Variants in GTF2A1 observed in about 807,000 individuals in gnomAD.
The protein encoded by GTF2A1 is transcription initiation factor IIA subunit 1.
A neutral mutation model predicts 54.1 loss-of-function variants in GTF2A1; 12 were observed. The observed-to-expected ratio is 0.22, with a 90% confidence interval of 0.14 to 0.36. GTF2A1 has a LOEUF of 0.36. GTF2A1 is among the 10% of genes least tolerant of loss of function. The probability of loss-of-function intolerance (pLI) is 1.00; values close to 1 mark genes in which losing one functional copy is unlikely to be tolerated. For synonymous variants in GTF2A1, 145 were observed against 152.0 expected, an observed-to-expected ratio of 0.95 and a Z score of 0.34; for missense variants, 335 against 442.2, an observed-to-expected ratio of 0.76 and a Z score of 2.17.
chr14:81,197,397 A>G lies in GTF2A1; in HGVS notation c.478+12T>C, dbSNP rs772924326. 7.1e-7 allele frequency: 1 copy of G among 1,400,028 alleles called. No homozygotes were observed. Among genetic ancestry groups the G allele is most frequent in the Admixed American group, 1.8e-5 (1 of 55,490 alleles). The allele number at this position is 1,400,028 out of a possible 1,614,324, so 86.7% of individuals were successfully genotyped here. ...AATTACATTTTAAAATGGTTCCATC[A>G]TTCCTAATTACCTGAATTTGTTAAT... On this transcript the variant is annotated intron_variant, in intron 5 of 8. Transcript: ENST00000553612.
At position 81,175,495 on chromosome 14, in the gene GTF2A1, T is replaced by A. The variant is rs1348083120; in HGVS notation, c.*4728A>T. 3.9e-5 allele frequency: 6 copies of A among 152,240 alleles called. 1 individual carries two copies. Among genetic ancestry groups the A allele is most frequent in the Admixed American group, 3.9e-4 (6 of 15,282 alleles). 9.4% of individuals were successfully genotyped at this position (152,240 alleles called of 1,614,324 possible). ...GATATCTTTATTATGATTATGTTAA[T>A]AGTTAAAATTTGCATGTTTTCTAGA... On this transcript the variant is annotated 3_prime_UTR_variant, in exon 9 of 9. Transcript: ENST00000553612.
intron 4 of GTF2A1, among the ~76,000 whole-genome samples, chr14:81,199,663 C>G (rs989136699): frequency 6.6e-6 from 1 of 152,080 alleles, no homozygotes; most frequent in East Asian, 1.9e-4. Context: ...GTAAAATATA[C>G]AGAAATGTTA....
In GTF2A1 at chr14:81,178,367, T is replaced by C. The variant is rs1362049998; in HGVS notation, c.*1856A>G. 6.6e-6 allele frequency: 1 copy of C among 152,170 alleles called. No homozygotes were observed. The highest frequency in any genetic ancestry group is 1.5e-5 in the Non-Finnish European group (1 of 68,020). The allele number at this position is 152,170 out of a possible 1,614,324, so 9.4% of individuals were successfully genotyped here. On this transcript the variant is annotated 3_prime_UTR_variant, in exon 9 of 9. Coordinates refer to ENST00000553612, the MANE Select transcript of GTF2A1 (RefSeq NM_015859.4). ...TGTTACTCCCTCCCATTTCCTCTTCTCTCAGTCTTAATAATATATATTTTA... is the reference window on the plus strand; with the variant it reads ...TGTTACTCCCTCCCATTTCCTCTTCCCTCAGTCTTAATAATATATATTTTA...
intron 1 of GTF2A1, among the ~76,000 whole-genome samples, chr14:81,218,090 A>C (rs1893525729): frequency 1.1e-5 from 1 of 87,530 alleles, no homozygotes; most frequent in Admixed American, 1.0e-4. Context: ...ATCTCTATAA[A>C]GTGCTTTTTT....
At chr14:81,203,051 T>G (rs2140162762) in intron 3 of GTF2A1, among the ~76,000 whole-genome samples, 1 of 152,312 alleles carries the variant, frequency 6.6e-6, no homozygotes, top group South Asian at 2.1e-4. Flanking sequence ...TCCTCTCCCA[T>G]AAAAGCAGAT....
chr14:81,220,670 G>A lies in GTF2A1; in HGVS notation c.-152C>T, dbSNP rs1467982898. On this transcript the variant is annotated 5_prime_UTR_variant, in exon 1 of 9. Transcript: ENST00000553612. ...AAACAAAATCAATCCTGAAGGAGTA[G>A]GGGAGAGCGGAGAGAGGAGGAGGAG... is the stretch of plus-strand genomic sequence containing the variant. The A allele has an allele frequency of 4.1e-6, 2 of 484,330 alleles. No individual in the cohort carries two copies. The highest frequency in any genetic ancestry group is 7.1e-6 in the Non-Finnish European group (2 of 280,172). The allele number at this position is 484,330 out of a possible 1,614,324, so 30.0% of individuals were successfully genotyped here. A position where few individuals can be genotyped will look rare whatever the true frequency, so the allele number is the denominator to read the frequency against.
chr14:81,199,563 A>G (rs995161852), intron 4 of GTF2A1, among the ~76,000 whole-genome samples: 3 of 152,200 alleles, frequency 2.0e-5, no homozygotes, highest in African/African-American at 4.8e-5. Context: ...ACCCACAAAA[A>G]CCTAAAACAC....
At chr14:81,197,524 G>A (rs1206933726) in intron 4 of GTF2A1, 40 bp from the exon 5 acceptor site, 1 of 1,012,138 alleles carries the variant, frequency 9.9e-7, no homozygotes, top group Non-Finnish European at 1.5e-6. Context: ...CCACATACAT[G>A]TATAATACTG....
rs36025974 is a variant in GTF2A1, at chr14:81,200,885, CAA to C, written c.402+707_402+708del. 9.0e-3 allele frequency among the ~76,000 whole-genome samples: 1,004 copies of C among 111,092 alleles called. 13 individuals are homozygous for C. The highest frequency in any genetic ancestry group is 0.039 in the African/African-American group (967 of 24,600). 72.9% of individuals were successfully genotyped at this position (111,092 alleles called of 152,430 possible). ...TCTGACTATATTTTAATGTTTTATC[CAA>C]AAAAAAAAAAAAAACAAAAAACAAC... On this transcript the variant is annotated intron_variant, in intron 4 of 8. Transcript: ENST00000553612.
intron 2 of GTF2A1, among the ~76,000 whole-genome samples, chr14:81,205,432 C>A (rs540558559): frequency 6.6e-6 from 1 of 152,334 alleles, no homozygotes; most frequent in East Asian, 1.9e-4. Context: ...AGTATTTAGA[C>A]TTACCTGAAG....
rs1892557478 is a variant in GTF2A1, at chr14:81,177,741, AT to A, written c.*2481del. The A allele has an allele frequency of 1.3e-5, 2 of 152,286 alleles. No individual in the cohort carries two copies. Among genetic ancestry groups the A allele is most frequent in the African/African-American group, 4.8e-5 (2 of 41,596 alleles). The allele number at this position is 152,286 out of a possible 1,614,324, so 9.4% of individuals were successfully genotyped here. On this transcript the variant is annotated 3_prime_UTR_variant, in exon 9 of 9. Coordinates refer to ENST00000553612, the MANE Select transcript of GTF2A1 (RefSeq NM_015859.4). ...ACATTTTAATGGAACCTAATACGAA[AT>A]GATTTGTTAAATACAATGTTAAAAG...
chr14:81,191,556 G>A (rs1471020942), intron 7 of GTF2A1, among the ~76,000 whole-genome samples: 6 of 152,066 alleles, frequency 3.9e-5, no homozygotes, highest in East Asian at 1.9e-4. Context: ...AGAAGAATAC[G>A]TAATTACTTC....
chr14:81,209,827 T>C, intron 2 of GTF2A1: 1 of 761,522 alleles, frequency 1.3e-6, no homozygotes, highest in Non-Finnish European at 1.9e-6. Flanking sequence ...AAGCCATCAC[T>C]CACTGCCTCC....
intron 1 of GTF2A1, among the ~76,000 whole-genome samples, chr14:81,216,729 C>CTA (rs1366760090): frequency 6.6e-6 from 1 of 152,180 alleles, no homozygotes; most frequent in African/African-American, 2.4e-5. Flanking sequence ...CAGAAGGCCC[C>CTA]TAAGACTACA....
chr14:81,197,796 C>CA (rs1566856084), intron 4 of GTF2A1, among the ~76,000 whole-genome samples: 1 of 151,908 alleles, frequency 6.6e-6, no homozygotes, highest in Admixed American at 6.5e-5. Context: ...TTTAAGGTAC[C>CA]AAGCCTTCCT....
chr14:81,218,396 G>A (rs948912272), intron 1 of GTF2A1, among the ~76,000 whole-genome samples: 4 of 152,140 alleles, frequency 2.6e-5, no homozygotes, highest in African/African-American at 9.7e-5. Flanking sequence ...GGTGAAGGAA[G>A]GGAAATGTGT....
intron 2 of GTF2A1, among the ~76,000 whole-genome samples, chr14:81,215,015 T>TA (rs1893456894): frequency 6.6e-6 from 1 of 152,222 alleles, no homozygotes; most frequent in Non-Finnish European, 1.5e-5. Flanking sequence ...ATGCAGAATA[T>TA]GAAACCATAT....
At chr14:81,204,843 C>T (rs192305404) in intron 2 of GTF2A1, among the ~76,000 whole-genome samples, 2 of 152,298 alleles carry the variant, frequency 1.3e-5, no homozygotes, top group South Asian at 2.1e-4. Flanking sequence ...ACATGTGCAA[C>T]GATTTCATTC....
intron 7 of GTF2A1, among the ~76,000 whole-genome samples, chr14:81,189,793 T>C (rs373666812): frequency 6.6e-6 from 1 of 152,138 alleles, no homozygotes; most frequent in South Asian, 2.1e-4. Context: ...AGAAAACACA[T>C]TCTTTTCAAA....
Sources: allele counts gnomAD v4.1 joint callset (sites outside exome capture counted in the v4.1 genomes callset), GRCh38; gene constraint gnomAD v4.1.1; transcripts MANE v1.5; gene names NCBI Gene and HGNC (gene_info 2026-07-23, HGNC 2026-07-21).